The following CNKSR2 variants were observed in gnomAD, a reference collection of about 807,000 sequenced individuals.
The protein encoded by CNKSR2 is connector enhancer of kinase suppressor of Ras 2.
A neutral mutation model predicts 84.4 loss-of-function variants in CNKSR2; 14 were observed. The ratio of observed to expected loss-of-function variants is 0.17; its 90% confidence interval spans 0.11 to 0.26. The LOEUF (loss-of-function observed/expected upper bound fraction) is 0.26. Among genes scored for constraint, CNKSR2 ranks in the 10% least tolerant of loss-of-function variants. The pLI is 1.00. For synonymous variants in CNKSR2, 275 were observed against 277.9 expected (o/e 0.99, Z 0.10); for missense variants, 485 against 771.2 (o/e 0.63, Z 4.40).
chrX:21,456,348 T>C (rs1306941182), intron 4 of CNKSR2, among the ~76,000 whole-genome samples: 3 of 111,593 alleles, frequency 2.7e-5, no homozygotes, highest in Non-Finnish European at 3.8e-5. Context: ...TGAAAGTTTG[T>C]GCCCTTTGAC....
chrX:21,441,240 C>T (rs994381677), intron 4 of CNKSR2: 1 of 111,243 alleles, frequency 9.0e-6, no homozygotes, highest in African/African-American at 3.3e-5. Flanking sequence ...TAATTATAGG[C>T]ATGATATATT....
At chrX:21,450,867 T>G (rs2090919169) in intron 4 of CNKSR2, among the ~76,000 whole-genome samples, 1 of 111,859 alleles carries the variant, frequency 8.9e-6, no homozygotes, top group Non-Finnish European at 1.9e-5. Context: ...AATCTTGCAG[T>G]AAAGGCTCAA....
At chrX:21,518,163 C>G (rs2091747349) in intron 9 of CNKSR2, among the ~76,000 whole-genome samples, 1 of 111,536 alleles carries the variant, frequency 9.0e-6, no homozygotes, top group South Asian at 3.7e-4. Flanking sequence ...TTATCTAAGT[C>G]ATAGATGAGT....
intron 11 of CNKSR2, among the ~76,000 whole-genome samples, chrX:21,552,079 G>A (rs1043313809): frequency 3.9e-5 from 4 of 103,037 alleles, no homozygotes; most frequent in African/African-American, 7.2e-5. Context: ...GTCGAAATCC[G>A]AATACATTTT....
At chrX:21,555,892 G>A (rs182613200) in intron 11 of CNKSR2, among the ~76,000 whole-genome samples, 4 of 110,731 alleles carry the variant, frequency 3.6e-5, no homozygotes, top group Non-Finnish European at 7.6e-5. Flanking sequence ...TTTTAAAAGC[G>A]ATACAAATGA....
intron 1 of CNKSR2, among the ~76,000 whole-genome samples, chrX:21,391,057 G>C (rs1232688865): frequency 8.9e-6 from 1 of 112,657 alleles, no homozygotes; most frequent in African/African-American, 3.2e-5. Flanking sequence ...TGATGCAAGG[G>C]GTGGGTTCCC....
rs2092727948 is a variant in CNKSR2, at chrX:21,654,293, A to AAAAT, written c.*1773_*1774insAATA. ...TATGTAAAAAAAAAAAAAAAAAAAA[A>AAAAT]ACAAAAAACCTCTTGTCCTAAAATG... On this transcript the variant is annotated 3_prime_UTR_variant, in exon 22 of 22. Transcript: ENST00000379510. The AAAAT allele has an allele frequency of 9.3e-6, 1 of 107,329 alleles. No individual in the cohort carries two copies. The highest frequency in any genetic ancestry group is 3.4e-5 in the African/African-American group (1 of 29,620). 8.8% of individuals were successfully genotyped at this position (107,329 alleles called of 1,213,427 possible).
At chrX:21,438,486 G>T (rs1601790164) in intron 3 of CNKSR2, among the ~76,000 whole-genome samples, 1 of 111,157 alleles carries the variant, frequency 9.0e-6, no homozygotes, top group Non-Finnish European at 1.9e-5. Context: ...GCTTGGTTAA[G>T]CCTTTGGAAA....
chrX:21,606,685 A>T, intron 18 of CNKSR2, 94 bp from the exon 19 acceptor site: 1 of 538,627 alleles, frequency 1.9e-6, no homozygotes, highest in South Asian at 4.1e-5. Context: ...ACAGAATTTA[A>T]ATTTCCTTTT....
chrX:21,598,021 A>G (rs2092459562), intron 17 of CNKSR2, among the ~76,000 whole-genome samples: 1 of 108,221 alleles, frequency 9.2e-6, no homozygotes, highest in African/African-American at 3.4e-5. Flanking sequence ...ATATATATAT[A>G]TATATACACA....
At chrX:21,640,309 G>A (rs1396641162) in intron 20 of CNKSR2, among the ~76,000 whole-genome samples, 1 of 111,739 alleles carries the variant, frequency 8.9e-6, no homozygotes, top group Non-Finnish European at 1.9e-5. Flanking sequence ...TTGTGCCCAA[G>A]GTTGGATTCC....
chrX:21,594,751 T>A (rs1455280802), intron 15 of CNKSR2: 7 of 267,671 alleles, frequency 2.6e-5, no homozygotes, highest in Non-Finnish European at 3.4e-5. Context: ...AAAAGACTTT[T>A]TAAAAGTTCT....
intron 20 of CNKSR2, among the ~76,000 whole-genome samples, chrX:21,641,169 A>AT (rs754373522): frequency 3.3e-4 from 37 of 112,337 alleles, no homozygotes; most frequent in African/African-American, 1.2e-3. Context: ...AGAAATGGTA[A>AT]TTTTACATGT....
At chrX:21,456,382 A>G (rs759536256) in intron 4 of CNKSR2, among the ~76,000 whole-genome samples, 9 of 111,417 alleles carry the variant, frequency 8.1e-5, no homozygotes, top group South Asian at 3.8e-4. Flanking sequence ...CACCCTGTCC[A>G]TTGTAACCAC....
intron 18 of CNKSR2, among the ~76,000 whole-genome samples, chrX:21,604,474 T>C (rs189661294): frequency 1.8e-5 from 2 of 111,230 alleles, no homozygotes; most frequent in Non-Finnish European, 3.8e-5. Context: ...ATAAAAAATA[T>C]ATATATAAAA....
At chrX:21,473,533 CTA>C (rs2091223109) in intron 5 of CNKSR2, among the ~76,000 whole-genome samples, 2 of 108,586 alleles carry the variant, frequency 1.8e-5, no homozygotes, top group South Asian at 8.1e-4. Flanking sequence ...CTACCATTTT[CTA>C]TCTCGGTGAG....
At chrX:21,483,086 G>A (rs142677580) in intron 5 of CNKSR2, among the ~76,000 whole-genome samples, 174 of 111,273 alleles carry the variant, frequency 1.6e-3, no homozygotes, top group African/African-American at 5.3e-3. Flanking sequence ...CTCTGTACTC[G>A]TATGAACAAG....
At chrX:21,610,189 C>G (rs2092542831) in intron 20 of CNKSR2, among the ~76,000 whole-genome samples, 1 of 112,562 alleles carries the variant, frequency 8.9e-6, no homozygotes, top group Non-Finnish European at 1.9e-5. Context: ...GAATTTGTTT[C>G]TAGAAACCAA....
chrX:21,418,234 G>T (rs773593158), intron 1 of CNKSR2, among the ~76,000 whole-genome samples: 1 of 111,510 alleles, frequency 9.0e-6, no homozygotes, highest in Non-Finnish European at 1.9e-5. Flanking sequence ...AGATCTTATT[G>T]TACTGTCTAT....
Sources: gnomAD v4.1 joint callset for allele counts (sites outside exome capture counted in the v4.1 genomes callset) on GRCh38, gnomAD v4.1.1 for gene constraint, MANE v1.5 for transcripts, NCBI Gene and HGNC (gene_info 2026-07-23, HGNC 2026-07-21) for gene names.